GRIA3: variants seen among roughly 807,000 people sequenced by gnomAD.
GRIA3 encodes the protein glutamate receptor 3.
GRIA3 carries 3 observed loss-of-function variants against 63.0 expected under a neutral mutation model. The ratio of observed to expected loss-of-function variants is 0.05; its 90% confidence interval spans 0.02 to 0.12. GRIA3 has a LOEUF of 0.12. Ranked by LOEUF, GRIA3 falls within the 10% of genes least tolerant of loss-of-function variation. The probability of loss-of-function intolerance (pLI) is 1.00; values close to 1 mark genes in which losing one functional copy is unlikely to be tolerated. For missense variants in GRIA3, 347 were observed against 700.9 expected (o/e 0.50, Z 5.70); for synonymous variants, 274 against 257.9 (o/e 1.06, Z -0.60).
chrX:123,379,864 A>G (rs1303291328), intron 5 of GRIA3, among the ~76,000 whole-genome samples: 1 of 93,369 alleles, frequency 1.1e-5, no homozygotes, highest in East Asian at 3.4e-4. Context: ...TCATTGTTCA[A>G]TTCCCACCTA....
intron 2 of GRIA3, among the ~76,000 whole-genome samples, chrX:123,246,366 G>C (rs1393679557): frequency 8.9e-6 from 1 of 111,831 alleles, no homozygotes; most frequent in African/African-American, 3.3e-5. Context: ...TGTGTCGGCA[G>C]GGTTGTGTTC....
chrX:123,480,456 G>C (rs746742558), intron 14 of GRIA3, among the ~76,000 whole-genome samples: 1 of 111,685 alleles, frequency 9.0e-6, no homozygotes, highest in Non-Finnish European at 1.9e-5. Flanking sequence ...TTATAAGGGG[G>C]TTTTACTGTA....
chrX:123,231,638 C>T (rs2044277062), intron 2 of GRIA3, among the ~76,000 whole-genome samples: 1 of 111,171 alleles, frequency 9.0e-6, no homozygotes, highest in African/African-American at 3.3e-5. Flanking sequence ...GATGGCATGG[C>T]TTAGGCTAAG....
chrX:123,319,113 C>T (rs1468132121), intron 3 of GRIA3, among the ~76,000 whole-genome samples: 2 of 111,632 alleles, frequency 1.8e-5, no homozygotes, highest in African/African-American at 6.5e-5. Context: ...CAATTACCTC[C>T]CCCTGGGCCA....
chrX:123,196,591 A>G (rs967910068), intron 2 of GRIA3, among the ~76,000 whole-genome samples: 1 of 111,907 alleles, frequency 8.9e-6, no homozygotes, highest in African/African-American at 3.3e-5. Context: ...AATCCCCATC[A>G]GTGGCTGTCC....
At chrX:123,333,641 G>A (rs772762507) in intron 4 of GRIA3, among the ~76,000 whole-genome samples, 2 of 111,625 alleles carry the variant, frequency 1.8e-5, no homozygotes, top group South Asian at 3.8e-4. Context: ...TTTTGCATAC[G>A]ATTGAATCAA....
intron 5 of GRIA3, among the ~76,000 whole-genome samples, chrX:123,377,079 C>T (rs1194749281): frequency 1.8e-5 from 2 of 109,377 alleles, no homozygotes; most frequent in East Asian, 2.9e-4. Flanking sequence ...GGACTATAGG[C>T]GCCCGCCACC....
chrX:123,400,488 G>A (rs1203318456), intron 7 of GRIA3, among the ~76,000 whole-genome samples: 1 of 112,043 alleles, frequency 8.9e-6, no homozygotes, highest in East Asian at 2.8e-4. Flanking sequence ...AGTACTAAAT[G>A]TTTTACTACA....
chrX:123,384,587 T>C (rs1325466412), intron 5 of GRIA3, among the ~76,000 whole-genome samples: 1 of 111,842 alleles, frequency 8.9e-6, no homozygotes, highest in East Asian at 2.8e-4. Flanking sequence ...ATCATGCCAT[T>C]GCACTCCAGC....
intron 3 of GRIA3, among the ~76,000 whole-genome samples, chrX:123,290,531 C>T (rs1032018357): frequency 1.8e-5 from 2 of 109,388 alleles, no homozygotes; most frequent in African/African-American, 3.3e-5. Context: ...TTCACTAATG[C>T]TCAGTTTTAA....
At chrX:123,350,360 C>A (rs2045085987) in intron 4 of GRIA3, among the ~76,000 whole-genome samples, 1 of 111,113 alleles carries the variant, frequency 9.0e-6, no homozygotes, top group African/African-American at 3.3e-5. Context: ...ATAACCTAAT[C>A]TGCATACCAG....
chrX:123,377,083 C>T (rs1276325560), intron 5 of GRIA3, among the ~76,000 whole-genome samples: 1 of 109,511 alleles, frequency 9.1e-6, no homozygotes, highest in East Asian at 2.9e-4. Context: ...TATAGGCGCC[C>T]GCCACCATGC....
At chrX:123,374,742 G>A (rs930673255) in intron 5 of GRIA3, among the ~76,000 whole-genome samples, 1 of 111,772 alleles carries the variant, frequency 8.9e-6, no homozygotes, top group African/African-American at 3.3e-5. Flanking sequence ...TCAGCTTAAG[G>A]AGATTTTGGG....
chrX:123,261,412 A>G (rs780863380), intron 3 of GRIA3, among the ~76,000 whole-genome samples: 2 of 111,979 alleles, frequency 1.8e-5, no homozygotes, highest in Admixed American at 9.5e-5. Context: ...GTTTTCCTAT[A>G]AAGGTATTTT....
chrX:123,461,160 G>A (rs965244847), intron 12 of GRIA3, among the ~76,000 whole-genome samples: 8 of 112,223 alleles, frequency 7.1e-5, no homozygotes, highest in Admixed American at 3.8e-4. Context: ...CGTCACCATG[G>A]TCAAGCCTAA....
intron 10 of GRIA3, among the ~76,000 whole-genome samples, chrX:123,409,545 C>T (rs1298199250): frequency 9.0e-6 from 1 of 111,633 alleles, no homozygotes; most frequent in African/African-American, 3.3e-5. Flanking sequence ...AAACTGTCCA[C>T]CTGCTTTTAG....
chrX:123,185,080 T>C (rs906366206), intron 1 of GRIA3: 4 of 310,861 alleles, frequency 1.3e-5, no homozygotes, highest in Non-Finnish European at 2.5e-5. Context: ...GGGCCCGGGG[T>C]GCTCAGTCCG....
In GRIA3 at chrX:123,325,943, G is replaced by A. The variant is rs776623654; in HGVS notation, c.509-83G>A. ...TGGATAAGGTTCAAAGGCACCTGAT[G>A]GACTGTGACTAGAAATTCAGTAGAA... On this transcript the variant is annotated intron_variant, in intron 3 of 15. Transcript: ENST00000620443. 12 of 822,867 alleles carry A rather than the reference G, an allele frequency of 1.5e-5. No homozygotes were observed. In the South Asian group the frequency reaches 2.2e-4, roughly 15 times the overall value. 67.8% of individuals were successfully genotyped at this position (822,867 alleles called of 1,213,427 possible).
chrX:123,251,216 T>A (rs1388573310), intron 2 of GRIA3, among the ~76,000 whole-genome samples: 3 of 112,131 alleles, frequency 2.7e-5, no homozygotes, highest in African/African-American at 9.7e-5. Flanking sequence ...TTATCATTAT[T>A]ATTGTCAATT....
Sources: gnomAD v4.1 joint callset for allele counts (sites outside exome capture counted in the v4.1 genomes callset) on GRCh38, gnomAD v4.1.1 for gene constraint, MANE v1.5 for transcripts, NCBI Gene and HGNC (gene_info 2026-07-23, HGNC 2026-07-21) for gene names.